The following LRFN3 variants were observed in gnomAD, a reference collection of about 807,000 sequenced individuals.
LRFN3 encodes leucine rich repeat and fibronectin type III domain containing 3.
In LRFN3, 8 loss-of-function variants were observed where a neutral mutation model predicts 23.8. That is an observed-to-expected ratio of 0.34 (90% CI 0.20 to 0.61). LRFN3 has a LOEUF of 0.61. Ranked by LOEUF, LRFN3 falls within the 20% of genes least tolerant of loss-of-function variation. LRFN3 has a pLI of 0.80. For missense variants in LRFN3, 736 were observed against 935.3 expected (o/e 0.79, Z 2.78); for synonymous variants, 451 against 450.6 (o/e 1.00, Z -0.01).
At chr19:35,937,860 C>T (rs964389283) in intron 1 of LRFN3, among the ~76,000 whole-genome samples, 5 of 152,172 alleles carry the variant, frequency 3.3e-5, no homozygotes, top group African/African-American at 7.2e-5. Context: ...CACCACTCCT[C>T]TCTCTGGGCT....
At position 35,940,457 on chromosome 19, in the gene LRFN3, C is replaced by G; in HGVS notation, c.1032C>G (p.Arg344=). The stretch of plus-strand genomic sequence containing the variant: ...TGCTAGGCAACTCAAGCCGTGCCCG[C>G]GCCTTCCCCAATGGGACGCTGGAGC... ...GRLLGNSSRA[R]AFPNGTLELL... The change falls in exon 2 of 3, where the codon CGC becomes CGG. Residue 344 remains arginine (R), a synonymous_variant. Transcript: ENST00000246529. 1 of 1,607,720 alleles carries G rather than the reference C, an allele frequency of 6.2e-7. No individual in the cohort carries two copies. Among genetic ancestry groups the G allele is most frequent in the Non-Finnish European group, 8.5e-7 (1 of 1,179,068 alleles).
chr19:35,940,976 C>A, intron 2 of LRFN3, 136 bp downstream of exon 2: 1 of 1,288,800 alleles, frequency 7.8e-7, no homozygotes, highest in South Asian at 2.5e-5. Flanking sequence ...AATCAGAGAG[C>A]AAAAGTAAAA....
In LRFN3 at chr19:35,944,533, C is replaced by G. The variant is rs377063730; in HGVS notation, c.1416-15C>G. The G allele has an allele frequency of 6.3e-6, 9 of 1,422,650 alleles. No homozygotes were observed. In the African/African-American group the frequency reaches 1.0e-4, roughly 16 times the overall value. The allele number at this position is 1,422,650 out of a possible 1,614,324, so 88.1% of individuals were successfully genotyped here. A position where few individuals can be genotyped will look rare whatever the true frequency, so the allele number is the denominator to read the frequency against. ...GGGCAGCCTGAGACCTGACCCCCAC[C>G]TGCCTGCCCTGCAGGATGATCCCGG... On this transcript the variant is annotated splice_polypyrimidine_tract_variant and intron_variant, in intron 2 of 2. Transcript: ENST00000246529. The surrounding 1 kb of genome is among the most constrained non-coding windows in gnomAD (Gnocchi z 4.5).
chr19:35,939,566 G>C lies in LRFN3; in HGVS notation c.141G>C (p.Gly47=), dbSNP rs774019455. The change falls in exon 2 of 3, where the codon GGG becomes GGC. Residue 47 remains glycine, a synonymous_variant. Transcript: ENST00000246529. The surrounding 1 kb of genome is among the most constrained non-coding windows in gnomAD (Gnocchi z 6.4). The part of the protein sequence containing the change: ...QSLPLSVLCP[G]AGLLFVPPSL... The stretch of plus-strand genomic sequence containing the variant: ...TGCCCCTAAGCGTGCTGTGCCCAGG[G>C]GCAGGCCTCCTGTTCGTGCCACCCT... The C allele has an allele frequency of 5.6e-6, 9 of 1,608,528 alleles. No homozygotes were observed. The highest frequency in any genetic ancestry group is 7.6e-6 in the Non-Finnish European group (9 of 1,179,418).
chr19:35,944,610 A>G lies in LRFN3; in HGVS notation c.1478A>G (p.Asp493Gly), dbSNP rs199683961. 2.6e-6 allele frequency: 4 copies of G among 1,520,414 alleles called. No individual in the cohort carries two copies. In the East Asian group the frequency reaches 9.6e-5, roughly 37 times the overall value. 94.2% of individuals were successfully genotyped at this position (1,520,414 alleles called of 1,614,324 possible). The change falls in exon 3 of 3, where the codon GAT becomes GGT. Residue 493 changes from aspartate (D) to glycine (G), a missense_variant. By Grantham distance (94) the Asp-to-Gly change is moderately conservative. Coordinates refer to ENST00000246529, the MANE Select transcript of LRFN3 (RefSeq NM_024509.2). This position sits in a 1 kb window ranked among gnomAD's most constrained non-coding sequence, Gnocchi z 4.5. The stretch of plus-strand genomic sequence containing the variant: ...GACCTGGCGTCAGGCCGGACCTACG[A>G]TCTGTGCGTGCTCGCCGTGTATGAG... ...LTDLASGRTYDLCVLAVYEDS... is the reference protein window; with the variant it reads ...LTDLASGRTYGLCVLAVYEDS...
In LRFN3 at chr19:35,945,060, C is replaced by G. The variant is rs1381006662; in HGVS notation, c.*41C>G. 6.6e-6 allele frequency: 8 copies of G among 1,206,696 alleles called. No homozygotes were observed. The highest frequency in any genetic ancestry group is 5.6e-5 in the South Asian group (3 of 53,888). The allele number at this position is 1,206,696 out of a possible 1,614,324, so 74.7% of individuals were successfully genotyped here. ...TCTAAGGGTCCTCTGGCCCCACGGACAGCAGGACCCGGACACCCTGTGGGA... is the reference window on the plus strand; with the variant it reads ...TCTAAGGGTCCTCTGGCCCCACGGAGAGCAGGACCCGGACACCCTGTGGGA... On this transcript the variant is annotated 3_prime_UTR_variant, in exon 3 of 3. Coordinates refer to ENST00000246529, the MANE Select transcript of LRFN3 (RefSeq NM_024509.2).
Position 35,940,287 on chromosome 19 carries a change from G to A in LRFN3, c.862G>A (p.Glu288Lys), listed in dbSNP as rs1015293548. The A allele has an allele frequency of 5.6e-6, 9 of 1,599,270 alleles. No homozygotes were observed. Among genetic ancestry groups the A allele is most frequent in the Non-Finnish European group, 7.7e-6 (9 of 1,175,576 alleles). The change falls in exon 2 of 3, where the codon GAG (glutamate) becomes AAG (lysine). Residue 288 changes from glutamate (E) to lysine (K), a missense_variant. Glu to Lys is a moderately conservative substitution (Grantham distance 56). Transcript: ENST00000246529. ...LGGRYFWAVG[E>K]EEFVCEPPVV... ...CGGCCGCTACTTCTGGGCGGTGGGC[G>A]AGGAGGAGTTTGTCTGCGAGCCGCC... is the stretch of plus-strand genomic sequence containing the variant.
rs1271831626 is a variant in LRFN3, at chr19:35,939,177, G to C, written c.-16-233G>C. Reference sequence around the variant, plus strand: ...TACACGGTCTCACTTTGTTGCCCAGGCTGGTCTTGAACTCCTGGCCTCAAG... The same window carrying C: ...TACACGGTCTCACTTTGTTGCCCAGCCTGGTCTTGAACTCCTGGCCTCAAG... On this transcript the variant is annotated intron_variant, in intron 1 of 2. Transcript: ENST00000246529. The surrounding 1 kb of genome is among the most constrained non-coding windows in gnomAD (Gnocchi z 6.4). Among the ~76,000 whole-genome samples the C allele has an allele frequency of 6.6e-6, 1 of 152,134 alleles. No individual in the cohort carries two copies. The highest frequency in any genetic ancestry group is 1.5e-5 in the Non-Finnish European group (1 of 68,028).
At chr19:35,942,985 T>C (rs1976138973) in intron 2 of LRFN3, among the ~76,000 whole-genome samples, 1 of 149,710 alleles carries the variant, frequency 6.7e-6, no homozygotes, top group East Asian at 2.0e-4. Flanking sequence ...GCCGAGGCTG[T>C]GCCACTGCAC....
intron 2 of LRFN3, among the ~76,000 whole-genome samples, chr19:35,942,753 G>A (rs1424942417): frequency 6.6e-6 from 1 of 152,186 alleles, no homozygotes; most frequent in East Asian, 1.9e-4. Flanking sequence ...AGTCGGCCAG[G>A]CGCGGTGGCT....
chr19:35,943,242 G>A (rs1380720222), intron 2 of LRFN3, among the ~76,000 whole-genome samples: 1 of 152,098 alleles, frequency 6.6e-6, no homozygotes, highest in African/African-American at 2.4e-5. Context: ...GGGTGGTAAG[G>A]ATTAAAAGGA....
At chr19:35,937,873 T>C (rs1158594617) in intron 1 of LRFN3, among the ~76,000 whole-genome samples, 1 of 152,006 alleles carries the variant, frequency 6.6e-6, no homozygotes, top group Non-Finnish European at 1.5e-5. Flanking sequence ...TCTGGGCTCC[T>C]TTCTCCACCT....
In LRFN3 at chr19:35,945,946, G is replaced by A. The variant is rs539774497; in HGVS notation, c.*927G>A. ...TGGGGCAGGGACCTGGGTGGGTGAGGACGAAGTTGGACCAGCTGGGCTAGG... is the reference window on the plus strand; with the variant it reads ...TGGGGCAGGGACCTGGGTGGGTGAGAACGAAGTTGGACCAGCTGGGCTAGG... On this transcript the variant is annotated 3_prime_UTR_variant, in exon 3 of 3. Coordinates refer to ENST00000246529, the MANE Select transcript of LRFN3 (RefSeq NM_024509.2). Among the ~76,000 whole-genome samples, 17 of 152,196 alleles carry A rather than the reference G, an allele frequency of 1.1e-4. No individual in the cohort carries two copies. Among genetic ancestry groups the A allele is most frequent in the African/African-American group, 3.9e-4 (16 of 41,510 alleles).
At position 35,940,402 on chromosome 19, in the gene LRFN3, G is replaced by T. The variant is rs371633389; in HGVS notation, c.977G>T (p.Arg326Leu). Residue 326 changes from arginine (R) to leucine (L), a missense_variant, in exon 2 of 3, where the codon CGT becomes CTT. Transcript: ENST00000246529. ...CGGGCAGTGGGGGACCCAGAGCCCC[G>T]TGTGCGTTGGGTGTCACCCCAGGGC... is the stretch of plus-strand genomic sequence containing the variant. ...RCRAVGDPEP[R>L]VRWVSPQGRL... 1 of 1,580,642 alleles carries T rather than the reference G, an allele frequency of 6.3e-7. No homozygotes were observed. Among genetic ancestry groups the T allele is most frequent in the South Asian group, 1.1e-5 (1 of 88,140 alleles).
Position 35,936,605 on chromosome 19 carries a change from C to T in LRFN3, c.-967C>T, listed in dbSNP as rs949737001. On this transcript the variant is annotated 5_prime_UTR_variant, in exon 1 of 3. Coordinates refer to ENST00000246529, the MANE Select transcript of LRFN3 (RefSeq NM_024509.2). ...GCTCCCAGGCCTCGCCCCACCCGGC[C>T]CTGGGGCTGCCCGGTCGCCCCCCTC... The T allele has an allele frequency of 2.0e-5, 3 of 152,646 alleles. No homozygotes were observed. The highest frequency in any genetic ancestry group is 7.2e-5 in the African/African-American group (3 of 41,512). 9.5% of individuals were successfully genotyped at this position (152,646 alleles called of 1,614,324 possible). A position where few individuals can be genotyped will look rare whatever the true frequency, so the allele number is the denominator to read the frequency against.
rs773788876 is a variant in LRFN3 at position 35,939,639 on chromosome 19, G to A, written c.214G>A (p.Ala72Thr). ...AELRLADNFI[A>T]SVRRRDLANM... ...GCTGCGGCTGGCAGACAACTTCATC[G>A]CCTCCGTGCGCCGCCGCGACCTGGC... The change falls in exon 2 of 3, where the codon GCC becomes ACC. Residue 72 changes from alanine to threonine, a missense_variant. Ala to Thr is a moderately conservative substitution (Grantham distance 58, BLOSUM62 0). Coordinates refer to ENST00000246529, the MANE Select transcript of LRFN3 (RefSeq NM_024509.2). This position sits in a 1 kb window ranked among gnomAD's most constrained non-coding sequence, Gnocchi z 6.4. The A allele has an allele frequency of 5.0e-5, 81 of 1,608,480 alleles. No individual in the cohort carries two copies. Among genetic ancestry groups the A allele is most frequent in the Middle Eastern group, 1.6e-4 (1 of 6,070 alleles).
chr19:35,944,884 C>A lies in LRFN3; in HGVS notation c.1752C>A (p.Ser584=), dbSNP rs1466289140. 6.3e-7 allele frequency: 1 copy of A among 1,595,876 alleles called. No homozygotes were observed. The highest frequency in any genetic ancestry group is 1.7e-5 in the Admixed American group (1 of 59,738). The change falls in exon 3 of 3, where the codon TCC becomes TCA. Residue 584 remains serine, a synonymous_variant. Transcript: ENST00000246529. This position sits in a 1 kb window ranked among gnomAD's most constrained non-coding sequence, Gnocchi z 4.5. ...CCGCGCCTGTTAGCAGCGTTTGCTC[C>A]CAGACCAACGGCGCCCTGGGCCCCA... ...KIPAPVSSVC[S]QTNGALGPTP... is the part of the protein sequence containing the mutation.
rs868108633 is a variant in LRFN3, at chr19:35,944,901, T to C, written c.1769T>C (p.Leu590Pro). The change falls in exon 3 of 3, where the codon CTG becomes CCG. Residue 590 changes from leucine to proline, a missense_variant. This residue lies in a region of LRFN3 where 290 missense variants were observed against 287.4 expected (regional missense o/e 1.01). Transcript: ENST00000246529. This position sits in a 1 kb window ranked among gnomAD's most constrained non-coding sequence, Gnocchi z 4.5. ...GTTTGCTCCCAGACCAACGGCGCCCTGGGCCCCACGCCCACGCCCGCCCCG... is the reference window on the plus strand; with the variant it reads ...GTTTGCTCCCAGACCAACGGCGCCCCGGGCCCCACGCCCACGCCCGCCCCG... ...SSVCSQTNGA[L>P]GPTPTPAPPA... is the part of the protein sequence containing the mutation. The C allele has an allele frequency of 6.3e-7, 1 of 1,588,042 alleles. No homozygotes were observed. The highest frequency in any genetic ancestry group is 8.5e-7 in the Non-Finnish European group (1 of 1,175,032).
In LRFN3 at chr19:35,942,996, T is replaced by A. The variant is rs983740737; in HGVS notation, c.1416-1552T>A. On this transcript the variant is annotated intron_variant, in intron 2 of 2. Coordinates refer to ENST00000246529, the MANE Select transcript of LRFN3 (RefSeq NM_024509.2). ...GTGAGCCGAGGCTGTGCCACTGCACTCCAGCCTGGGTGACAGAGTGAGACT... is the reference window on the plus strand; with the variant it reads ...GTGAGCCGAGGCTGTGCCACTGCACACCAGCCTGGGTGACAGAGTGAGACT... Among the ~76,000 whole-genome samples, 3 of 146,672 alleles carry A rather than the reference T, an allele frequency of 2.0e-5. No individual in the cohort carries two copies. The Admixed American group carries it at 2.1e-4, about 10-fold the overall frequency.
Sources: allele counts gnomAD v4.1 joint callset (sites outside exome capture counted in the v4.1 genomes callset), GRCh38; gene constraint gnomAD v4.1.1; regional missense constraint gnomAD v4.1.1; non-coding constraint Gnocchi (gnomAD v3.1); transcripts MANE v1.5; gene names NCBI Gene and HGNC (gene_info 2026-07-23, HGNC 2026-07-21).